Variants in CACNA1C observed in about 807,000 individuals in gnomAD.
CACNA1C encodes the protein calcium voltage-gated channel subunit alpha1 C, also known as voltage-dependent L-type calcium channel subunit alpha-1C.
In CACNA1C, 30 loss-of-function variants were observed where a neutral mutation model predicts 229.0. The ratio of observed to expected loss-of-function variants is 0.13; its 90% confidence interval spans 0.10 to 0.18. The LOEUF is 0.18. Among genes scored for constraint, CACNA1C ranks in the 10% least tolerant of loss-of-function variants. CACNA1C has a pLI of 1.00. For synonymous variants in CACNA1C, 1,114 were observed against 1,132.5 expected, an observed-to-expected ratio of 0.98 and a Z score of 0.33; for missense variants, 1,658 against 2,845.0, an observed-to-expected ratio of 0.58 and a Z score of 9.49.
chr12:2,587,707 T>A (rs1033603558), intron 18 of CACNA1C, among the ~76,000 whole-genome samples: 1 of 152,190 alleles, frequency 6.6e-6, no homozygotes, highest in African/African-American at 2.4e-5. Flanking sequence ...ATGCTTACGC[T>A]TTCCAGCTGA....
chr12:2,305,800 A>G (rs572130526), intron 3 of CACNA1C, among the ~76,000 whole-genome samples: 1 of 152,322 alleles, frequency 6.6e-6, no homozygotes, highest in South Asian at 2.1e-4. Context: ...CTGTGATTGC[A>G]CCACTGCATG....
chr12:2,097,571 G>C (rs1192052040), intron 1 of CACNA1C, among the ~76,000 whole-genome samples: 1 of 152,164 alleles, frequency 6.6e-6, no homozygotes, highest in Non-Finnish European at 1.5e-5. Flanking sequence ...GTTATTTTCT[G>C]ATTTTTTCGA....
At chr12:1,981,315 T>C (rs533017494) in intron 1 of CACNA1C, among the ~76,000 whole-genome samples, 2 of 152,320 alleles carry the variant, frequency 1.3e-5, no homozygotes, top group East Asian at 3.9e-4. Flanking sequence ...TTGTGAACTT[T>C]TAGGTTAAGT....
chr12:2,443,129 C>T lies in CACNA1C; in HGVS notation c.478-5847C>T, dbSNP rs139589859. Among the ~76,000 whole-genome samples, 286 of 152,210 alleles carry T rather than the reference C, an allele frequency of 1.9e-3. 1 individual carries two copies. Among genetic ancestry groups the T allele is most frequent in the Non-Finnish European group, 2.7e-3 (181 of 68,006 alleles). On this transcript the variant is annotated intron_variant, in intron 3 of 46. Transcript: ENST00000399655. ...TCTGAAGTAGCAGGGCTGGAGGGCC[C>T]GGTAGGAGCAAGATGGAAGGCAAAT...
At chr12:2,299,517 G>A (rs1353541245) in intron 3 of CACNA1C, among the ~76,000 whole-genome samples, 4 of 152,126 alleles carry the variant, frequency 2.6e-5, no homozygotes, top group Admixed American at 1.3e-4. Context: ...AGGGGTTCCT[G>A]TGGGACCAGT....
At chr12:2,387,282 C>T (rs750071700) in intron 3 of CACNA1C, among the ~76,000 whole-genome samples, 3 of 152,150 alleles carry the variant, frequency 2.0e-5, no homozygotes, top group African/African-American at 4.8e-5. Context: ...GTCAGGAGTT[C>T]GAGACCAGCC....
chr12:2,434,539 G>A (rs192404874), intron 3 of CACNA1C, among the ~76,000 whole-genome samples: 20 of 152,298 alleles, frequency 1.3e-4, no homozygotes, highest in East Asian at 1.2e-3. Context: ...TTCCAGCGCC[G>A]TGGACGTCCC....
chr12:2,264,597 T>G (rs769550076), intron 3 of CACNA1C, among the ~76,000 whole-genome samples: 26 of 152,168 alleles, frequency 1.7e-4, no homozygotes, highest in Non-Finnish European at 3.4e-4. Flanking sequence ...TGCTCGTGGT[T>G]CCTCCTGTTT....
chr12:2,688,838 T>C (rs902918648), intron 46 of CACNA1C, 59 bp downstream of exon 46: 2 of 1,344,544 alleles, frequency 1.5e-6, no homozygotes, highest in Non-Finnish European at 2.0e-6. Context: ...GGACTTGGCA[T>C]GCGGGGCTGA....
intron 1 of CACNA1C, among the ~76,000 whole-genome samples, chr12:2,055,988 G>A (rs2054564513): frequency 6.6e-6 from 1 of 152,166 alleles, no homozygotes; most frequent in Non-Finnish European, 1.5e-5. Context: ...GCCATCATAG[G>A]GGTTAGAGTT....
chr12:2,207,973 C>T (rs1290008371), intron 3 of CACNA1C, among the ~76,000 whole-genome samples: 3 of 152,138 alleles, frequency 2.0e-5, no homozygotes, highest in African/African-American at 7.2e-5. Context: ...ACAGAACAAA[C>T]AATAAGAATG....
rs576646833 is a variant in CACNA1C at position 2,189,436 on chromosome 12, G to A, written c.477+69006G>A. 4.6e-5 allele frequency among the ~76,000 whole-genome samples: 7 copies of A among 152,320 alleles called. No homozygotes were observed. The East Asian group carries it at 5.8e-4, about 13-fold the overall frequency. ...GGCTGGAGAAAACCTTGCACGCTGCGGGAGCAGGCTCCCCAGGACGTGTCA... is the reference window on the plus strand; with the variant it reads ...GGCTGGAGAAAACCTTGCACGCTGCAGGAGCAGGCTCCCCAGGACGTGTCA... On this transcript the variant is annotated intron_variant, in intron 3 of 46. Coordinates refer to ENST00000399655, the MANE Select transcript of CACNA1C (RefSeq NM_000719.7).
intron 9 of CACNA1C, chr12:2,547,533 C>A: frequency 1.3e-6 from 1 of 779,596 alleles, no homozygotes; most frequent in Non-Finnish European, 2.4e-6. Context: ...TGGTAATGTT[C>A]CCCTGTGCTC....
chr12:2,548,648 C>T (rs1039688392), intron 9 of CACNA1C, among the ~76,000 whole-genome samples: 21 of 152,186 alleles, frequency 1.4e-4, no homozygotes, highest in African/African-American at 2.2e-4. Context: ...GTCAAACATA[C>T]GGTAAGTCGT....
At chr12:2,502,292 T>G (rs2099762309) in intron 7 of CACNA1C, among the ~76,000 whole-genome samples, 1 of 152,216 alleles carries the variant, frequency 6.6e-6, no homozygotes. Context: ...GAGGACCTAC[T>G]ATGTGCGAGG....
chr12:1,993,376 C>T (rs751960737), intron 1 of CACNA1C: 5 of 1,611,416 alleles, frequency 3.1e-6, no homozygotes, highest in Admixed American at 1.7e-5. Flanking sequence ...TGAATCCATG[C>T]TTTGGAGAAG....
In CACNA1C at chr12:2,345,200, G is replaced by A. The variant is rs565670563; in HGVS notation, c.478-103776G>A. ...CATACCTCAGGAGCTTGCCAAGTGC[G>A]CAGAGGTGAAAGGGAATGTGAGAGA... On this transcript the variant is annotated intron_variant, in intron 3 of 46. Coordinates refer to ENST00000399655, the MANE Select transcript of CACNA1C (RefSeq NM_000719.7). Among the ~76,000 whole-genome samples the A allele has an allele frequency of 3.6e-4, 54 of 151,996 alleles. No individual in the cohort carries two copies. The South Asian group carries it at 4.4e-3, about 12-fold the overall frequency.
intron 3 of CACNA1C, among the ~76,000 whole-genome samples, chr12:2,296,126 G>A (rs151274962): frequency 6.6e-6 from 1 of 152,228 alleles, no homozygotes; most frequent in Admixed American, 6.5e-5. Flanking sequence ...GAAATGCAAA[G>A]GGAGTGGGGA....
chr12:2,111,534 T>C (rs1039840284), intron 1 of CACNA1C, among the ~76,000 whole-genome samples: 2 of 148,690 alleles, frequency 1.3e-5, no homozygotes, highest in African/African-American at 5.0e-5. Flanking sequence ...GGGGGGTGAG[T>C]ACAAAGATTA....
Sources: gnomAD v4.1 joint callset for allele counts (sites outside exome capture counted in the v4.1 genomes callset) on GRCh38, gnomAD v4.1.1 for gene constraint, MANE v1.5 for transcripts, NCBI Gene and HGNC (gene_info 2026-07-23, HGNC 2026-07-21) for gene names.